The following DAPK2 variants were observed in gnomAD, a reference collection of about 807,000 sequenced individuals.
DAPK2 encodes the protein death-associated protein kinase 2.
A neutral mutation model predicts 44.1 loss-of-function variants in DAPK2; 35 were observed. The ratio of observed to expected loss-of-function variants is 0.79; its 90% CI spans 0.61 to 1.05. The LOEUF (loss-of-function observed/expected upper bound fraction) is 1.05, where lower values mean the gene tolerates loss of function less well. DAPK2 is among the 50% of genes least tolerant of loss of function. The probability of loss-of-function intolerance (pLI) is 0.00; values close to 1 mark genes in which losing one functional copy is unlikely to be tolerated. For missense variants in DAPK2, 453 were observed against 483.2 expected (o/e 0.94, Z 0.59); for synonymous variants, 174 against 182.6 (o/e 0.95, Z 0.38).
At position 63,923,062 on chromosome 15, in the gene DAPK2, G is replaced by A. The variant is rs1018879370; in HGVS notation, c.858+1754C>T. 9.0e-5 allele frequency: 138 copies of A among 1,535,800 alleles called. 1 individual carries two copies. In the African/African-American group the frequency reaches 1.5e-3, roughly 17 times the overall value. On this transcript the variant is annotated intron_variant, in intron 8 of 10. Transcript: ENST00000261891. This position sits in a 1 kb window ranked among gnomAD's most constrained non-coding sequence, Gnocchi z 4.2. ...TGAGCTGGGACAGGTCATGCCGGGCGCTCTCATTCTCCTCTCGGTACCAAG... is the reference window on the plus strand; with the variant it reads ...TGAGCTGGGACAGGTCATGCCGGGCACTCTCATTCTCCTCTCGGTACCAAG...
intron 8 of DAPK2, among the ~76,000 whole-genome samples, chr15:63,914,041 T>A (rs2078862780): frequency 6.6e-6 from 1 of 152,148 alleles, no homozygotes; most frequent in Non-Finnish European, 1.5e-5. Flanking sequence ...TATGGTTAAG[T>A]CATTTCCCTG....
chr15:64,041,140 G>C (rs1409724388), upstream of DAPK2, among the ~76,000 whole-genome samples: 7 of 152,162 alleles, frequency 4.6e-5, no homozygotes, highest in Admixed American at 1.3e-4. Context: ...ACCCAACTGC[G>C]TGTCTGAACT....
intron 1 of DAPK2, among the ~76,000 whole-genome samples, chr15:64,000,298 G>A (rs978329256): frequency 2.0e-5 from 3 of 151,856 alleles, no homozygotes; most frequent in South Asian, 2.1e-4. Context: ...ACAGCATCCC[G>A]CTTTTACTGG....
chr15:63,922,185 T>C, intron 8 of DAPK2: 1 of 592,976 alleles, frequency 1.7e-6, no homozygotes, highest in Non-Finnish European at 2.1e-6. Flanking sequence ...TCTCACTGAG[T>C]TCTTTTAAGG....
chr15:63,932,489 A>AAAG (rs1477447492), intron 4 of DAPK2: 4 of 140,348 alleles, frequency 2.9e-5, no homozygotes, highest in African/African-American at 1.0e-4. Flanking sequence ...AAAAAAAAAA[A>AAAG]AAGAAGCTAC....
intron 7 of DAPK2, among the ~76,000 whole-genome samples, chr15:63,925,678 GCA>G (rs3222873): frequency 0.19 from 25,573 of 137,632 alleles, 2,320 homozygotes; most frequent in Admixed American, 0.24. Context: ...GACTTGTAGC[GCA>G]CACACACACA....
chr15:64,033,287 GGGAAGGAAGGAA>G (rs1242064152), intron 1 of DAPK2, among the ~76,000 whole-genome samples: 25 of 51,216 alleles, frequency 4.9e-4, no homozygotes, highest in Admixed American at 1.4e-3. Flanking sequence ...AGGGGGAAGG[GGGAAGGAAGGAA>G]GGAAGGAAGG....
chr15:63,954,615 A>T (rs1421588809), intron 3 of DAPK2, among the ~76,000 whole-genome samples: 1 of 151,806 alleles, frequency 6.6e-6, no homozygotes, highest in Non-Finnish European at 1.5e-5. Context: ...TTTTCTCAGG[A>T]TAGTTTTGGC....
intron 1 of DAPK2, among the ~76,000 whole-genome samples, chr15:64,001,594 G>GC (rs1488505167): frequency 2.6e-5 from 4 of 152,066 alleles, no homozygotes; most frequent in Non-Finnish European, 5.9e-5. Flanking sequence ...TCAGCAGTGT[G>GC]CCCCCCTCCC....
Position 63,926,108 on chromosome 15 carries a change from C to T in DAPK2, c.660-15G>A. ...CTCCACTTAAGCTGAGTACGACAGA[C>T]AGGGAATCAAATAACTAAGGGAAAG... On this transcript the variant is annotated splice_polypyrimidine_tract_variant and intron_variant, in intron 6 of 10. Transcript: ENST00000261891. 9.5e-6 allele frequency: 15 copies of T among 1,586,354 alleles called. No individual in the cohort carries two copies. The highest frequency in any genetic ancestry group is 1.3e-5 in the Non-Finnish European group (15 of 1,166,232).
Position 64,036,273 on chromosome 15 carries a change from ATGTGTG to A in DAPK2, c.92+3891_92+3896del, listed in dbSNP as rs1214937871. On this transcript the variant is annotated intron_variant, in intron 1 of 10. Transcript: ENST00000261891. ...AAACTCCATCTCAAAATATATATAT[ATGTGTG>A]TGTGTGTGTGTGTGTGTGTGTGTGT... 4.5e-4 allele frequency among the ~76,000 whole-genome samples: 20 copies of A among 44,004 alleles called. No homozygotes were observed. In the South Asian group the frequency reaches 7.0e-3, roughly 15 times the overall value. 28.9% of individuals were successfully genotyped at this position (44,004 alleles called of 152,430 possible). A position where few individuals can be genotyped will look rare whatever the true frequency, so the allele number is the denominator to read the frequency against.
chr15:64,040,349 C>CTCCCT, upstream of DAPK2: 2 of 1,048,724 alleles, frequency 1.9e-6, no homozygotes, highest in Non-Finnish European at 3.0e-6. Flanking sequence ...ACGTAATTGG[C>CTCCCT]TGCAAGGGAG....
intron 8 of DAPK2, chr15:63,920,119 T>C (rs1351595893): frequency 1.3e-5 from 2 of 152,198 alleles, no homozygotes; most frequent in Non-Finnish European, 2.9e-5. Flanking sequence ...ATCATATTCT[T>C]ACTGTTGGCC....
chr15:63,975,751 G>A (rs943261994), intron 2 of DAPK2, among the ~76,000 whole-genome samples: 7 of 152,010 alleles, frequency 4.6e-5, no homozygotes, highest in South Asian at 2.1e-4. Context: ...GGCACATGCC[G>A]CTACGCCCAG....
chr15:64,013,945 G>A lies in DAPK2; in HGVS notation c.92+26225C>T, dbSNP rs754229828. Among the ~76,000 whole-genome samples the A allele has an allele frequency of 3.3e-5, 5 of 152,204 alleles. No individual in the cohort carries two copies. Among genetic ancestry groups the A allele is most frequent in the Non-Finnish European group, 7.3e-5 (5 of 68,034 alleles). On this transcript the variant is annotated intron_variant, in intron 1 of 10. Coordinates refer to ENST00000261891, the Ensembl canonical transcript of DAPK2. The surrounding 1 kb of genome is among the most constrained non-coding windows in gnomAD (Gnocchi z 4.7). ...AGAGGCCCCAACCTTCTCTGGGTGT[G>A]GCTGGCAGCTGTGCCAGAAAGAAAC...
rs186046926 is a variant in DAPK2, at chr15:63,950,920, C to T, written c.454-11559G>A. Among the ~76,000 whole-genome samples, 401 of 152,338 alleles carry T rather than the reference C, an allele frequency of 2.6e-3. 1 individual carries two copies. Among genetic ancestry groups the T allele is most frequent in the African/African-American group, 8.8e-3 (364 of 41,574 alleles). On this transcript the variant is annotated intron_variant, in intron 3 of 10. Coordinates refer to ENST00000261891, the Ensembl canonical transcript of DAPK2. ...TGAAGTATTAACATCCTCATGACAG[C>T]TTGGCCAGCAGACTTCATCACACAT... is the stretch of plus-strand genomic sequence containing the variant.
At chr15:63,929,421 T>C in intron 6 of DAPK2, 130 bp downstream of exon 7, 1 of 1,203,756 alleles carries the variant, frequency 8.3e-7, no homozygotes, top group Non-Finnish European at 1.2e-6. Flanking sequence ...AGGCTTGCTG[T>C]GTGGACTTAA....
intron 1 of DAPK2, among the ~76,000 whole-genome samples, chr15:64,018,150 T>A (rs2079582761): frequency 6.6e-6 from 1 of 152,212 alleles, no homozygotes; most frequent in Non-Finnish European, 1.5e-5. Flanking sequence ...CCAACTTTGA[T>A]GAAACCCAAC....
upstream of DAPK2, chr15:64,040,336 TAAAC>T: frequency 8.3e-7 from 1 of 1,203,582 alleles, no homozygotes. Context: ...GTCTAAGGCC[TAAAC>T]GTAATTGGCT....
Sources: allele counts gnomAD v4.1 joint callset (sites outside exome capture counted in the v4.1 genomes callset), GRCh38; gene constraint gnomAD v4.1.1; non-coding constraint Gnocchi (gnomAD v3.1); transcripts MANE v1.5; gene names NCBI Gene and HGNC (gene_info 2026-07-23, HGNC 2026-07-21).